The following ALMS1 variants were observed in gnomAD, a reference collection of about 807,000 sequenced individuals.
ALMS1 encodes ALMS1 centrosome and basal body associated protein.
In ALMS1, 271 loss-of-function variants were observed where a neutral mutation model predicts 352.2. That is an observed-to-expected ratio of 0.77 (90% confidence interval 0.70 to 0.85). ALMS1 has a LOEUF of 0.85. Among genes scored for constraint, ALMS1 ranks in the 40% least tolerant of loss-of-function variants. ALMS1 has a pLI of 0.00. For synonymous variants in ALMS1, 1,865 were observed against 1,761.2 expected (o/e 1.06, Z -1.48); for missense variants, 5,445 against 4,870.7 (o/e 1.12, Z -3.51).
At chr2:73,496,991 C>A (rs1663550189) in intron 10 of ALMS1, among the ~76,000 whole-genome samples, 1 of 152,118 alleles carries the variant, frequency 6.6e-6, no homozygotes, top group South Asian at 2.1e-4. Flanking sequence ...TATCTCTTCA[C>A]AGTATGCGAC....
intron 16 of ALMS1, among the ~76,000 whole-genome samples, chr2:73,590,105 A>C (rs1481098184): frequency 6.6e-6 from 1 of 151,874 alleles, no homozygotes; most frequent in Non-Finnish European, 1.5e-5. Context: ...TATCTCTTTA[A>C]TTTCCGTGGG....
intron 10 of ALMS1, among the ~76,000 whole-genome samples, chr2:73,496,176 A>G (rs1673102622): frequency 6.6e-6 from 1 of 152,204 alleles, no homozygotes; most frequent in Admixed American, 6.5e-5. Flanking sequence ...AATTCTATCC[A>G]TTGCTACAGT....
chr2:73,584,296 A>G (rs1452520397), intron 16 of ALMS1, among the ~76,000 whole-genome samples: 2 of 152,174 alleles, frequency 1.3e-5, no homozygotes, highest in Non-Finnish European at 2.9e-5. Context: ...CTTCTGTTTC[A>G]AGAATTAGAA....
At chr2:73,506,506 C>A (rs776313105) in intron 10 of ALMS1, among the ~76,000 whole-genome samples, 1 of 152,104 alleles carries the variant, frequency 6.6e-6, no homozygotes, top group Non-Finnish European at 1.5e-5. Flanking sequence ...CCTTCACATC[C>A]ATTGAATGTT....
intron 6 of ALMS1, among the ~76,000 whole-genome samples, chr2:73,430,354 G>A (rs1338123009): frequency 6.6e-6 from 1 of 152,154 alleles, no homozygotes; most frequent in Non-Finnish European, 1.5e-5. Context: ...GGGATTACAG[G>A]CGTGAACCAA....
In ALMS1 at chr2:73,424,879, A is replaced by T; in HGVS notation, c.1214A>T (p.Lys405Met). Residue 405 changes from lysine (K) to methionine (M), a missense_variant, in exon 5 of 23, where the codon AAG becomes ATG. Lys to Met is a moderately conservative substitution (Grantham distance 95). Coordinates refer to ENST00000613296, the MANE Select transcript of ALMS1 (RefSeq NM_001378454.1). ...TATTGGACACAGGAAGATTCATCTA[A>T]GCAGGCAGAAACATATTTAACCAGT... The part of the protein sequence containing the change: ...GQYWTQEDSS[K>M]QAETYLTKGL... 1 of 1,603,562 alleles carries T rather than the reference A, an allele frequency of 6.2e-7. No individual in the cohort carries two copies. Among genetic ancestry groups the T allele is most frequent in the Non-Finnish European group, 8.5e-7 (1 of 1,174,354 alleles).
chr2:73,404,422 G>A (rs919642566), intron 1 of ALMS1, among the ~76,000 whole-genome samples: 2 of 151,316 alleles, frequency 1.3e-5, no homozygotes, highest in African/African-American at 4.8e-5. Flanking sequence ...GGGACATACA[G>A]CTTTTATTAT....
At chr2:73,538,582 A>C (rs1470279048) in intron 12 of ALMS1, among the ~76,000 whole-genome samples, 1 of 152,158 alleles carries the variant, frequency 6.6e-6, no homozygotes, top group Non-Finnish European at 1.5e-5. Context: ...GAAGCAGGGC[A>C]AGGCATCGCC....
chr2:73,562,776 A>T (rs1033673092), intron 15 of ALMS1, among the ~76,000 whole-genome samples: 17 of 151,984 alleles, frequency 1.1e-4, no homozygotes, highest in African/African-American at 3.9e-4. Flanking sequence ...AATCCCAGCT[A>T]CTCAGAAGGC....
At chr2:73,499,089 A>G (rs1000803307) in intron 10 of ALMS1, among the ~76,000 whole-genome samples, 1 of 151,996 alleles carries the variant, frequency 6.6e-6, no homozygotes, top group Non-Finnish European at 1.5e-5. Context: ...CCTTTTCTCC[A>G]CGTCTTCACC....
chr2:73,432,170 T>G, intron 6 of ALMS1, 28 bp from the exon 7 acceptor site: 1 of 1,560,364 alleles, frequency 6.4e-7, no homozygotes, highest in Non-Finnish European at 8.8e-7. Flanking sequence ...CTTTTTCATT[T>G]TTATTGCCTT....
chr2:73,455,110 A>C, intron 8 of ALMS1, 52 bp from the exon 9 acceptor site: 1 of 1,599,188 alleles, frequency 6.3e-7, no homozygotes, highest in Non-Finnish European at 8.6e-7. Flanking sequence ...GCAATTGTTG[A>C]CAAATTATCA....
intron 12 of ALMS1, among the ~76,000 whole-genome samples, chr2:73,547,934 C>G (rs1054025662): frequency 6.6e-5 from 10 of 151,952 alleles, no homozygotes; most frequent in African/African-American, 2.4e-4. Context: ...GAAATAGTTT[C>G]TCCTAGATTT....
At chr2:73,503,458 A>G (rs909723880) in intron 10 of ALMS1, among the ~76,000 whole-genome samples, 1 of 152,212 alleles carries the variant, frequency 6.6e-6, no homozygotes, top group Admixed American at 6.5e-5. Context: ...ATAGTATTCC[A>G]TGGTGTATAT....
At chr2:73,556,610 T>C (rs1674547145) in intron 13 of ALMS1, among the ~76,000 whole-genome samples, 1 of 150,110 alleles carries the variant, frequency 6.7e-6, no homozygotes. Flanking sequence ...TTTTTTCCTT[T>C]GAAAAAACAT....
At chr2:73,441,058 G>A (rs553817735) in intron 7 of ALMS1, among the ~76,000 whole-genome samples, 1 of 152,170 alleles carries the variant, frequency 6.6e-6, no homozygotes, top group African/African-American at 2.4e-5. Context: ...GGAAGGGGGA[G>A]ATGCTAACCC....
chr2:73,603,197 G>A (rs1175457577), intron 20 of ALMS1, 44 bp from the exon 21 acceptor site: 2 of 1,597,530 alleles, frequency 1.3e-6, no homozygotes, highest in East Asian at 2.2e-5. Context: ...ACACCCTCTG[G>A]GTTAAGTCAC....
chr2:73,585,774 G>T, intron 16 of ALMS1, among the ~76,000 whole-genome samples: 1 of 142,470 alleles, frequency 7.0e-6, no homozygotes. Flanking sequence ...TGTTGCCCTG[G>T]CTGGAGTACA....
chr2:73,542,555 G>A (rs932187186), intron 12 of ALMS1, among the ~76,000 whole-genome samples: 6 of 152,128 alleles, frequency 3.9e-5, no homozygotes, highest in African/African-American at 1.4e-4. Flanking sequence ...ATTCAATTAG[G>A]AAAAGAGGAA....
Sources: allele counts gnomAD v4.1 joint callset (sites outside exome capture counted in the v4.1 genomes callset), GRCh38; gene constraint gnomAD v4.1.1; transcripts MANE v1.5; gene names NCBI Gene and HGNC (gene_info 2026-07-23, HGNC 2026-07-21).